The following TRAF2 variants were observed in gnomAD, a reference collection of about 807,000 sequenced individuals.
TRAF2 encodes TNF receptor-associated factor 2.
Under a neutral mutation model 55.6 loss-of-function variants are expected in TRAF2, and 6 were observed. That is an observed-to-expected ratio of 0.11 (90% CI 0.06 to 0.21). The LOEUF (loss-of-function observed/expected upper bound fraction) is 0.21, where lower values mean the gene tolerates loss of function less well. Ranked by LOEUF, TRAF2 falls within the 10% of genes least tolerant of loss-of-function variation. TRAF2 has a pLI of 1.00. For synonymous variants in TRAF2, 329 were observed against 276.3 expected (o/e 1.19, Z -1.89); for missense variants, 561 against 684.5 (o/e 0.82, Z 2.01).
At chr9:136,893,276 A>G (rs1849617058) in intron 1 of TRAF2, among the ~76,000 whole-genome samples, 1 of 152,160 alleles carries the variant, frequency 6.6e-6, no homozygotes. Flanking sequence ...TTGGAGGAGT[A>G]AGTTTAGGTT....
intron 4 of TRAF2, among the ~76,000 whole-genome samples, chr9:136,901,543 G>A (rs1849820367): frequency 6.6e-6 from 1 of 152,226 alleles, no homozygotes; most frequent in African/African-American, 2.4e-5. Flanking sequence ...CCACTTAGGG[G>A]CCACCCTTAG....
Position 136,908,072 on chromosome 9 carries a change from C to A in TRAF2, c.369C>A (p.Ser123Arg). ...ACGCTTCCTCCTTTCGTTGCTAGAG[C>A]TGCCACGAAGGCCGCTGCCCGCTCA... is the stretch of plus-strand genomic sequence containing the variant. ...TWKGTLKEYESCHEGRCPLML... is the reference protein window; with the variant it reads ...TWKGTLKEYERCHEGRCPLML... The change falls in exon 5 of 11, where the codon AGC becomes AGA. Residue 123 changes from serine (S) to arginine (R), a missense_variant and splice_region_variant. By Grantham distance (110) the Ser-to-Arg change is moderately radical. Transcript: ENST00000247668. 6.2e-7 allele frequency: 1 copy of A among 1,600,150 alleles called. No homozygotes were observed.
chr9:136,915,912 G>A (rs1231331627), intron 6 of TRAF2, among the ~76,000 whole-genome samples: 1 of 152,176 alleles, frequency 6.6e-6, no homozygotes, highest in African/African-American at 2.4e-5. Flanking sequence ...CGTCTGGCAT[G>A]TGTGGGTTTG....
intron 1 of TRAF2, among the ~76,000 whole-genome samples, chr9:136,895,854 A>G (rs1241246600): frequency 1.0e-3 from 6 of 5,970 alleles, no homozygotes; most frequent in Non-Finnish European, 1.7e-3. Context: ...TTTAAGGAAA[A>G]AAAAAAAAAA....
intron 4 of TRAF2, among the ~76,000 whole-genome samples, chr9:136,905,327 T>A (rs1410678141): frequency 6.6e-6 from 1 of 152,228 alleles, no homozygotes; most frequent in African/African-American, 2.4e-5. Flanking sequence ...AAACTTAGTG[T>A]TGTGCTCAGT....
At chr9:136,905,134 G>A (rs1849916060) in intron 4 of TRAF2, among the ~76,000 whole-genome samples, 1 of 152,188 alleles carries the variant, frequency 6.6e-6, no homozygotes, top group Non-Finnish European at 1.5e-5. Context: ...AGTCACTTGG[G>A]GCTCCTGAGC....
At chr9:136,901,082 T>C (rs1269911276) in intron 4 of TRAF2, among the ~76,000 whole-genome samples, 1 of 140,430 alleles carries the variant, frequency 7.1e-6, no homozygotes, top group Non-Finnish European at 1.5e-5. Flanking sequence ...GCACTTCACT[T>C]GGCTGTGGTT....
intron 4 of TRAF2, among the ~76,000 whole-genome samples, chr9:136,907,667 C>T (rs1427796562): frequency 1.3e-5 from 2 of 152,054 alleles, no homozygotes; most frequent in Admixed American, 6.6e-5. Flanking sequence ...GCCTGGACCG[C>T]GTTGGGCTTG....
chr9:136,908,173 C>G lies in TRAF2; in HGVS notation c.470C>G (p.Pro157Arg), dbSNP rs149585522. The G allele has an allele frequency of 3.1e-5, 49 of 1,601,960 alleles. No individual in the cohort carries two copies. The South Asian group carries it at 5.1e-4, about 17-fold the overall frequency. Residue 157 changes from proline (P) to arginine (R), a missense_variant, in exon 5 of 11, where the codon CCG becomes CGG. Physicochemically the swap from Pro to Arg is moderately radical, Grantham distance 103 (BLOSUM62 -2). Transcript: ENST00000247668. ...GAGCGCCACCTGGAGCACGAGTGCCCGGAGAGAAGCCTGAGCTGCCGGCAT... is the reference window on the plus strand; with the variant it reads ...GAGCGCCACCTGGAGCACGAGTGCCGGGAGAGAAGCCTGAGCTGCCGGCAT... ...EKERHLEHEC[P>R]ERSLSCRHCR...
chr9:136,908,332 C>G, intron 5 of TRAF2, 101 bp downstream of exon 5: 1 of 1,295,486 alleles, frequency 7.7e-7, no homozygotes, highest in African/African-American at 1.5e-5. Context: ...CCTTTGCACT[C>G]GTTCCACCCC....
intron 9 of TRAF2, 108 bp from the exon 10 acceptor site, chr9:136,923,744 G>A (rs1850455044): frequency 2.6e-6 from 3 of 1,164,300 alleles, no homozygotes; most frequent in African/African-American, 1.6e-5. Context: ...GAACCTGAAT[G>A]TTTCTTTGTA....
At chr9:136,895,662 G>T (rs912594387) in intron 1 of TRAF2, among the ~76,000 whole-genome samples, 2 of 152,138 alleles carry the variant, frequency 1.3e-5, no homozygotes, top group African/African-American at 4.8e-5. Context: ...GACCATCCTG[G>T]CCAACATGGT....
chr9:136,914,886 TA>T (rs915160013), intron 6 of TRAF2, among the ~76,000 whole-genome samples: 87 of 143,848 alleles, frequency 6.0e-4, no homozygotes, highest in Non-Finnish European at 4.6e-4. Flanking sequence ...GATTGCCCTT[TA>T]AAAAAAAAAA....
At chr9:136,923,792 A>G (rs1850456185) in intron 9 of TRAF2, 60 bp from the exon 10 acceptor site, 9 of 1,559,292 alleles carry the variant, frequency 5.8e-6, no homozygotes, top group South Asian at 3.4e-5. Context: ...CCAGGCAGGA[A>G]GAGCCCTGCC....
At chr9:136,892,653 G>T (rs1472517838) in intron 1 of TRAF2, among the ~76,000 whole-genome samples, 1 of 152,138 alleles carries the variant, frequency 6.6e-6, no homozygotes, top group Non-Finnish European at 1.5e-5. Context: ...ATTGAGGTGG[G>T]CAGATTATCT....
intron 2 of TRAF2, 114 bp from the exon 3 acceptor site, chr9:136,899,480 G>A: frequency 1.1e-6 from 1 of 885,848 alleles, no homozygotes; most frequent in East Asian, 2.6e-5. Context: ...TTTCACTAAG[G>A]ATGAGAAAGT....
chr9:136,899,486 A>C, intron 2 of TRAF2, 108 bp from the exon 3 acceptor site: 1 of 968,356 alleles, frequency 1.0e-6, no homozygotes, highest in Non-Finnish European at 1.6e-6. Context: ...TAAGGATGAG[A>C]AAGTTTAAAC....
intron 1 of TRAF2, among the ~76,000 whole-genome samples, chr9:136,891,398 G>A (rs1011468228): frequency 2.6e-5 from 4 of 151,378 alleles, no homozygotes; most frequent in African/African-American, 7.3e-5. Flanking sequence ...GTGAGCCACC[G>A]CGCCCAGCCA....
intron 1 of TRAF2, among the ~76,000 whole-genome samples, chr9:136,896,912 G>A (rs560012585): frequency 5.3e-5 from 8 of 152,276 alleles, no homozygotes. Flanking sequence ...TCGTTGAGAG[G>A]GAGACAGACC....
Sources: gnomAD v4.1 joint callset for allele counts (sites outside exome capture counted in the v4.1 genomes callset) on GRCh38, gnomAD v4.1.1 for gene constraint, MANE v1.5 for transcripts, NCBI Gene and HGNC (gene_info 2026-07-23, HGNC 2026-07-21) for gene names.